ADAMTS17: variants seen among roughly 807,000 people sequenced by gnomAD.
The protein encoded by ADAMTS17 is A disintegrin and metalloproteinase with thrombospondin motifs 17.
A neutral mutation model predicts 141.5 loss-of-function variants in ADAMTS17; 113 were observed. The ratio of observed to expected loss-of-function variants is 0.80; its 90% CI spans 0.69 to 0.93. The LOEUF (loss-of-function observed/expected upper bound fraction) is 0.93. ADAMTS17 is among the 40% of genes least tolerant of loss of function. ADAMTS17 has a pLI of 0.00. For synonymous variants in ADAMTS17, 768 were observed against 630.6 expected, an observed-to-expected ratio of 1.22 and a Z score of -3.27; for missense variants, 1,659 against 1,517.9, an observed-to-expected ratio of 1.09 and a Z score of -1.54.
intron 8 of ADAMTS17, among the ~76,000 whole-genome samples, chr15:100,174,314 C>CAA (rs2040261258): frequency 6.6e-6 from 1 of 152,040 alleles, no homozygotes; most frequent in South Asian, 2.1e-4. Flanking sequence ...TACAAGGCCC[C>CAA]AATGTTTCAT....
chr15:100,269,441 G>C (rs2043828807), intron 4 of ADAMTS17, among the ~76,000 whole-genome samples: 1 of 152,172 alleles, frequency 6.6e-6, no homozygotes, highest in Non-Finnish European at 1.5e-5. Flanking sequence ...TTGATTGATT[G>C]ACTGATCTTT....
intron 15 of ADAMTS17, among the ~76,000 whole-genome samples, chr15:100,063,107 C>G (rs1220274842): frequency 6.6e-6 from 1 of 152,234 alleles, no homozygotes; most frequent in Non-Finnish European, 1.5e-5. Context: ...GTTAGGAAAA[C>G]TAGTCCAGAA....
At chr15:100,068,058 A>G (rs1316870553) in intron 15 of ADAMTS17, among the ~76,000 whole-genome samples, 7 of 152,062 alleles carry the variant, frequency 4.6e-5, no homozygotes. Context: ...CCACCCTAAT[A>G]CTGTGCTTTT....
intron 8 of ADAMTS17, among the ~76,000 whole-genome samples, chr15:100,163,865 T>G (rs1313529867): frequency 3.9e-5 from 6 of 152,206 alleles, no homozygotes; most frequent in African/African-American, 1.4e-4. Context: ...ACTACCACTT[T>G]GTCTGAGCAT....
chr15:99,974,847 G>A (rs2060288402), intron 21 of ADAMTS17, among the ~76,000 whole-genome samples: 1 of 152,338 alleles, frequency 6.6e-6, no homozygotes, highest in Middle Eastern at 3.4e-3. Context: ...CGAGCTAAGT[G>A]GCACTTACTA....
intron 18 of ADAMTS17, among the ~76,000 whole-genome samples, chr15:100,034,931 T>G (rs1252994449): frequency 1.3e-5 from 2 of 152,208 alleles, no homozygotes; most frequent in African/African-American, 4.8e-5. Flanking sequence ...CTTTCCTTAA[T>G]AATCCCCTTA....
chr15:100,067,833 G>C (rs2033653583), intron 15 of ADAMTS17, among the ~76,000 whole-genome samples: 2 of 152,150 alleles, frequency 1.3e-5, no homozygotes. Flanking sequence ...GAGTGACACA[G>C]AAGACAGGTG....
At chr15:100,261,322 C>T (rs192361874) in intron 6 of ADAMTS17, among the ~76,000 whole-genome samples, 157 bp downstream of exon 6, 40 of 152,316 alleles carry the variant, frequency 2.6e-4, no homozygotes, top group Admixed American at 5.9e-4. Context: ...TGGATACCAC[C>T]GTTAACCCCC....
chr15:100,114,156 TTC>T (rs1451676153), intron 13 of ADAMTS17, among the ~76,000 whole-genome samples: 2 of 111,176 alleles, frequency 1.8e-5, no homozygotes, highest in African/African-American at 3.5e-5. Context: ...GAATTCTTTC[TTC>T]TTTTTTTTTT....
Position 99,974,045 on chromosome 15 carries a change from C to T in ADAMTS17, c.*357G>A. On this transcript the variant is annotated 3_prime_UTR_variant, in exon 22 of 22. Transcript: ENST00000268070. ...TTGGGGATGTTTCCTCCATGATATACCAAGCACTGGAAATTCAAATGTCAA... is the reference window on the plus strand; with the variant it reads ...TTGGGGATGTTTCCTCCATGATATATCAAGCACTGGAAATTCAAATGTCAA... 1 of 370,334 alleles carries T rather than the reference C, an allele frequency of 2.7e-6. No individual in the cohort carries two copies. Among genetic ancestry groups the T allele is most frequent in the Non-Finnish European group, 5.2e-6 (1 of 192,866 alleles). The allele number at this position is 370,334 out of a possible 1,614,324, so 22.9% of individuals were successfully genotyped here. A position where few individuals can be genotyped will look rare whatever the true frequency, so the allele number is the denominator to read the frequency against.
intron 18 of ADAMTS17, among the ~76,000 whole-genome samples, chr15:100,023,648 T>C (rs919841751): frequency 2.6e-5 from 4 of 152,208 alleles, no homozygotes; most frequent in African/African-American, 4.8e-5. Context: ...CTTGTCCAAG[T>C]CCTTGCCTTC....
In ADAMTS17 at chr15:100,284,663, C is replaced by A. The variant is rs757888174; in HGVS notation, c.617-3262G>T. ...ATCTCAACCACTCCCTCAGCAGAGACCCACAGCATCATTTTTGATGGTCAT... is the reference window on the plus strand; with the variant it reads ...ATCTCAACCACTCCCTCAGCAGAGAACCACAGCATCATTTTTGATGGTCAT... On this transcript the variant is annotated intron_variant, in intron 3 of 21. Coordinates refer to ENST00000268070, the MANE Select transcript of ADAMTS17 (RefSeq NM_139057.4). Among the ~76,000 whole-genome samples, 34 of 152,196 alleles carry A rather than the reference C, an allele frequency of 2.2e-4. 1 individual carries two copies. The highest frequency in any genetic ancestry group is 1.2e-3 in the East Asian group (6 of 5,204).
rs575117225 is a variant in ADAMTS17, at chr15:99,997,099, C to T, written c.2796+286G>A. On this transcript the variant is annotated intron_variant, in intron 19 of 21. Transcript: ENST00000268070. This position sits in a 1 kb window ranked among gnomAD's most constrained non-coding sequence, Gnocchi z 4.7. ...TACACCCAAAGGAGAATTAAAAAGT[C>T]GGTCAGTATCTGTCTATCCTATCTT... Among the ~76,000 whole-genome samples the T allele has an allele frequency of 2.4e-4, 36 of 152,186 alleles. No homozygotes were observed. The highest frequency in any genetic ancestry group is 4.0e-4 in the Non-Finnish European group (27 of 68,040).
chr15:100,335,573 G>A (rs2587751), intron 2 of ADAMTS17, among the ~76,000 whole-genome samples: 21,041 of 152,230 alleles, frequency 0.14, 1,611 homozygotes, highest in African/African-American at 0.18. Flanking sequence ...CATCCTGCAC[G>A]TGGCAGGTGC....
Position 100,258,869 on chromosome 15 carries a change from G to A in ADAMTS17, c.1031+2610C>T, listed in dbSNP as rs148034239. On this transcript the variant is annotated intron_variant, in intron 6 of 21. Transcript: ENST00000268070. The stretch of plus-strand genomic sequence containing the variant: ...CATAGCATCTTTGCATTGAGGGTGC[G>A]TCATGACTGCTGATGTCTCCTTGTA... Among the ~76,000 whole-genome samples the A allele has an allele frequency of 2.5e-4, 38 of 152,302 alleles. No individual in the cohort carries two copies. In the East Asian group the frequency reaches 4.4e-3, roughly 18 times the overall value.
chr15:100,092,390 A>C (rs993567884), intron 15 of ADAMTS17, among the ~76,000 whole-genome samples: 1 of 152,242 alleles, frequency 6.6e-6, no homozygotes, highest in Non-Finnish European at 1.5e-5. Context: ...CACACCAAGC[A>C]TGTCACTGCT....
intron 3 of ADAMTS17, among the ~76,000 whole-genome samples, chr15:100,319,262 A>C (rs75464535): frequency 0.018 from 2,672 of 152,366 alleles, 34 homozygotes; most frequent in Middle Eastern, 0.034. Flanking sequence ...GCAGTGACCC[A>C]AAAGCCAGAG....
In ADAMTS17 at chr15:100,179,693, C is replaced by T. The variant is rs372123532; in HGVS notation, c.1181+19625G>A. Among the ~76,000 whole-genome samples the T allele has an allele frequency of 1.9e-3, 295 of 152,254 alleles. 1 individual carries two copies. Among genetic ancestry groups the T allele is most frequent in the African/African-American group, 6.4e-3 (267 of 41,542 alleles). On this transcript the variant is annotated intron_variant, in intron 8 of 21. Transcript: ENST00000268070. Reference sequence around the variant, plus strand: ...ATGAGGGTTGCCTTTTTTCCACAACCTTGCCAGCATTTGTTATTGCCTGTC... The same window carrying T: ...ATGAGGGTTGCCTTTTTTCCACAACTTTGCCAGCATTTGTTATTGCCTGTC...
In ADAMTS17 at chr15:100,050,298, G is replaced by A. The variant is rs542297926; in HGVS notation, c.2455+1274C>T. Among the ~76,000 whole-genome samples the A allele has an allele frequency of 5.9e-5, 9 of 152,330 alleles. No homozygotes were observed. In the South Asian group the frequency reaches 1.9e-3, roughly 32 times the overall value. ...AGGAGAGCCTGACTATTCCATGTGG[G>A]CTATGCTTAGTTTGTAACAAGCTGC... On this transcript the variant is annotated intron_variant, in intron 17 of 21. Transcript: ENST00000268070.
Sources: gnomAD v4.1 joint callset for allele counts (sites outside exome capture counted in the v4.1 genomes callset) on GRCh38, gnomAD v4.1.1 for gene constraint, Gnocchi (gnomAD v3.1) non-coding constraint, MANE v1.5 for transcripts, NCBI Gene and HGNC (gene_info 2026-07-23, HGNC 2026-07-21) for gene names.